The following FGF14 variants were observed in gnomAD, a reference collection of about 807,000 sequenced individuals.
FGF14 encodes the protein fibroblast growth factor homologous factor 4.
A neutral mutation model predicts 25.5 loss-of-function variants in FGF14; 5 were observed. The ratio of observed to expected loss-of-function variants is 0.20; its 90% confidence interval spans 0.10 to 0.41. The LOEUF (loss-of-function observed/expected upper bound fraction) is 0.41. Ranked by LOEUF, FGF14 falls within the 10% of genes least tolerant of loss-of-function variation. FGF14 has a pLI of 1.00. For synonymous variants in FGF14, 138 were observed against 118.3 expected (o/e 1.17, Z -1.08); for missense variants, 222 against 320.1 (o/e 0.69, Z 2.34).
At chr13:101,840,832 A>G (rs2043160203) in intron 3 of FGF14, among the ~76,000 whole-genome samples, 1 of 151,984 alleles carries the variant, frequency 6.6e-6, no homozygotes, top group Non-Finnish European at 1.5e-5. Context: ...TGTTTTTACA[A>G]TGGATAATAA....
chr13:102,068,763 C>G (rs988079686), intron 1 of FGF14, among the ~76,000 whole-genome samples: 11 of 152,236 alleles, frequency 7.2e-5, no homozygotes, highest in Non-Finnish European at 1.2e-4. Flanking sequence ...CCACCCACTC[C>G]ATGGGCTCCT....
At chr13:101,841,694 G>T (rs1219931715) in intron 3 of FGF14, among the ~76,000 whole-genome samples, 2 of 151,962 alleles carry the variant, frequency 1.3e-5, no homozygotes, top group Non-Finnish European at 2.9e-5. Flanking sequence ...TATAGTAGTT[G>T]CTTGGTGGCC....
intron 3 of FGF14, among the ~76,000 whole-genome samples, chr13:101,807,450 A>T (rs2041264100): frequency 1.3e-5 from 2 of 152,118 alleles, no homozygotes; most frequent in South Asian, 4.1e-4. Context: ...TCTGAAAGCT[A>T]AAAGGTATCA....
At chr13:101,726,418 A>G (rs2035440406) in intron 4 of FGF14, among the ~76,000 whole-genome samples, 194 bp downstream of exon 4, 1 of 152,022 alleles carries the variant, frequency 6.6e-6, no homozygotes, top group South Asian at 2.1e-4. Flanking sequence ...ATACACAAAT[A>G]TAGTAAAGTG....
Position 101,791,635 on chromosome 13 carries a change from A to G in FGF14, c.409-64825T>C, listed in dbSNP as rs532475789. On this transcript the variant is annotated intron_variant, in intron 3 of 4. Coordinates refer to ENST00000376143, the MANE Select transcript of FGF14 (RefSeq NM_004115.4). ...TGGCCTTCTGCAACTGCTAAGGCAC[A>G]GCAGACTGGCAGATTTCTAAAAACC... Among the ~76,000 whole-genome samples, 3 of 152,308 alleles carry G rather than the reference A, an allele frequency of 2.0e-5. No individual in the cohort carries two copies. In the East Asian group the frequency reaches 5.8e-4, roughly 29 times the overall value.
intron 1 of FGF14, chr13:102,401,327 A>C (rs994279914): frequency 1.3e-6 from 1 of 763,790 alleles, no homozygotes; most frequent in Non-Finnish European, 2.2e-6. Flanking sequence ...TTGTTTATTC[A>C]TGCAACACCT....
At chr13:102,256,912 T>C (rs9518687) in intron 1 of FGF14, among the ~76,000 whole-genome samples, 20,604 of 152,236 alleles carry the variant, frequency 0.14, 1,771 homozygotes, top group East Asian at 0.39. Flanking sequence ...ATTGAAAATA[T>C]GTTGAAAAAA....
At chr13:101,975,058 C>T (rs564109547) in intron 1 of FGF14, among the ~76,000 whole-genome samples, 13 of 152,046 alleles carry the variant, frequency 8.6e-5, no homozygotes, top group African/African-American at 2.7e-4. Context: ...TGAAGGGATG[C>T]GTTGATTGAG....
At chr13:102,255,016 A>G (rs879395364) in intron 1 of FGF14, among the ~76,000 whole-genome samples, 4 of 152,216 alleles carry the variant, frequency 2.6e-5, no homozygotes, top group Non-Finnish European at 5.9e-5. Flanking sequence ...TTGGAAGAAA[A>G]TGTTAAATTT....
chr13:101,947,483 T>A (rs9585820), intron 1 of FGF14, among the ~76,000 whole-genome samples: 7,596 of 152,226 alleles, frequency 0.05, 632 homozygotes, highest in African/African-American at 0.17. Flanking sequence ...GATACATATA[T>A]ACCATGGAAT....
intron 1 of FGF14, among the ~76,000 whole-genome samples, chr13:102,058,045 G>A (rs1371101794): frequency 2.6e-5 from 4 of 152,144 alleles, no homozygotes; most frequent in African/African-American, 9.7e-5. Context: ...CAAGGCAGAT[G>A]GACCTGAAAC....
chr13:101,735,131 T>A (rs2036088422), intron 3 of FGF14, among the ~76,000 whole-genome samples: 1 of 152,126 alleles, frequency 6.6e-6, no homozygotes, highest in African/African-American at 2.4e-5. Context: ...CAATCAAAAC[T>A]AACCTATTCC....
At chr13:101,849,428 C>T (rs532135160) in intron 3 of FGF14, among the ~76,000 whole-genome samples, 112 of 152,006 alleles carry the variant, frequency 7.4e-4, no homozygotes, top group Non-Finnish European at 1.5e-3. Flanking sequence ...CATGGGCAGC[C>T]GCTTGTGCAC....
Position 101,999,503 on chromosome 13 carries a change from G to A in FGF14, c.209-124207C>T, listed in dbSNP as rs143815174. Among the ~76,000 whole-genome samples, 736 of 152,254 alleles carry A rather than the reference G, an allele frequency of 4.8e-3. 3 individuals are homozygous for A. Among genetic ancestry groups the A allele is most frequent in the African/African-American group, 0.015 (603 of 41,556 alleles). On this transcript the variant is annotated intron_variant, in intron 1 of 4. Transcript: ENST00000376131. ...AAGCATCTGCCTCCTGGAGATAGGG[G>A]TGAAAGGCTGGGAGGACAGAAGAAT... is the stretch of plus-strand genomic sequence containing the variant.
At chr13:102,393,905 C>G (rs2058496722) in intron 1 of FGF14, 2 of 152,126 alleles carry the variant, frequency 1.3e-5, no homozygotes, top group Non-Finnish European at 2.9e-5. Flanking sequence ...ATTTAGAGTA[C>G]AATTTAAATA....
intron 1 of FGF14, among the ~76,000 whole-genome samples, chr13:102,324,021 T>C (rs2056339369): frequency 6.7e-6 from 1 of 150,036 alleles, no homozygotes; most frequent in Admixed American, 6.7e-5. Context: ...GTACATGTGC[T>C]GTTGTATGTG....
chr13:101,844,362 T>A (rs2140330030), intron 3 of FGF14, among the ~76,000 whole-genome samples: 1 of 152,172 alleles, frequency 6.6e-6, no homozygotes, highest in South Asian at 2.1e-4. Flanking sequence ...GAAACTGACT[T>A]CAAGACTGTG....
chr13:101,817,946 A>T (rs1566937390), intron 3 of FGF14, among the ~76,000 whole-genome samples: 1 of 152,226 alleles, frequency 6.6e-6, no homozygotes, highest in Non-Finnish European at 1.5e-5. Context: ...TGTACAACAG[A>T]AGCAATCTAA....
At chr13:102,307,283 C>T (rs975815827) in intron 1 of FGF14, among the ~76,000 whole-genome samples, 2 of 152,102 alleles carry the variant, frequency 1.3e-5, no homozygotes, top group African/African-American at 2.4e-5. Flanking sequence ...CGGAAAGGAA[C>T]GCAGGCCCCT....
Sources: gnomAD v4.1 joint callset for allele counts (sites outside exome capture counted in the v4.1 genomes callset) on GRCh38, gnomAD v4.1.1 for gene constraint, MANE v1.5 for transcripts, NCBI Gene and HGNC (gene_info 2026-07-23, HGNC 2026-07-21) for gene names.